COL9A2: variants seen among roughly 807,000 people sequenced by gnomAD.
COL9A2 encodes the protein collagen type IX alpha 2 chain.
Under a neutral mutation model 111.6 loss-of-function variants are expected in COL9A2, and 66 were observed. That is an observed-to-expected ratio of 0.59 (90% CI 0.48 to 0.73). The LOEUF is 0.73. COL9A2 is among the 30% of genes least tolerant of loss of function. COL9A2 has a pLI of 0.00. For missense variants in COL9A2, 881 were observed against 954.1 expected (o/e 0.92, Z 1.01); for synonymous variants, 353 against 364.1 (o/e 0.97, Z 0.35).
rs761700412 is a variant in COL9A2, at chr1:40,303,278, G to C, written c.1549-93C>G. ...CTGAGCGTGAGGCCGCCATGGAGGAGACTCTGGTGTTGAGTCATTAATTCC... is the reference window on the plus strand; with the variant it reads ...CTGAGCGTGAGGCCGCCATGGAGGACACTCTGGTGTTGAGTCATTAATTCC... On this transcript the variant is annotated intron_variant, in intron 28 of 31. Coordinates refer to ENST00000372748, the MANE Select transcript of COL9A2 (RefSeq NM_001852.4). This position sits in a 1 kb window ranked among gnomAD's most constrained non-coding sequence, Gnocchi z 4.6. The C allele has an allele frequency of 7.8e-5, 103 of 1,326,262 alleles. No homozygotes were observed. Among genetic ancestry groups the C allele is most frequent in the Non-Finnish European group, 1.1e-4 (101 of 942,066 alleles). The allele number at this position is 1,326,262 out of a possible 1,614,324, so 82.2% of individuals were successfully genotyped here.
chr1:40,302,718 C>T lies in COL9A2; in HGVS notation c.1695G>A (p.Gly565=). The T allele has an allele frequency of 1.3e-6, 2 of 1,574,164 alleles. No homozygotes were observed. Among genetic ancestry groups the T allele is most frequent in the South Asian group, 2.3e-5 (2 of 85,906 alleles). The change falls in exon 30 of 32, where the codon GGG becomes GGA. Residue 565 remains glycine (G), a synonymous_variant. Transcript: ENST00000372748. The surrounding 1 kb of genome is among the most constrained non-coding windows in gnomAD (Gnocchi z 4.5). ...CATGGGGGCCCTGCTTGCCTGGGTA[C>T]CCAGGGGGCCCAGGAGGTCCTGGAG... ...MGPPGPPGPP[G]YPGKQGPHGH... is the part of the protein sequence containing the mutation.
intron 24 of COL9A2, 39 bp from the exon 25 acceptor site, chr1:40,304,138 C>A (rs760403004): frequency 1.3e-6 from 2 of 1,530,094 alleles, no homozygotes; most frequent in African/African-American, 2.7e-5. Flanking sequence ...GCGAGCTCCC[C>A]CCTCCACGGG....
chr1:40,308,888 A>G (rs1318671225), intron 16 of COL9A2, among the ~76,000 whole-genome samples: 2 of 152,208 alleles, frequency 1.3e-5, no homozygotes, highest in Non-Finnish European at 2.9e-5. Flanking sequence ...AACCTGTGAT[A>G]GGTACATGGG....
At position 40,303,162 on chromosome 1, in the gene COL9A2, G is replaced by A. The variant is rs1435051599; in HGVS notation, c.1572C>T (p.His524=). ...GCATCTTCAGCGCCACATCCACGAT[G>A]TGCTGGTCAGTGGCATCCCGGCCCT... is the stretch of plus-strand genomic sequence containing the variant. The part of the protein sequence containing the change: ...GVEGRDATDQ[H]IVDVALKMLQ... Residue 524 remains histidine (H), a synonymous_variant, in exon 29 of 32, where the codon CAC becomes CAT. Coordinates refer to ENST00000372748, the MANE Select transcript of COL9A2 (RefSeq NM_001852.4). The surrounding 1 kb of genome is among the most constrained non-coding windows in gnomAD (Gnocchi z 4.6). 2 of 1,612,596 alleles carry A rather than the reference G, an allele frequency of 1.2e-6. No individual in the cohort carries two copies. Among genetic ancestry groups the A allele is most frequent in the Non-Finnish European group, 1.7e-6 (2 of 1,179,450 alleles).
In COL9A2 at chr1:40,311,643, G is replaced by C; in HGVS notation, c.471+19C>G. 1 of 1,614,002 alleles carries C rather than the reference G, an allele frequency of 6.2e-7. No individual in the cohort carries two copies. Among genetic ancestry groups the C allele is most frequent in the Non-Finnish European group, 8.5e-7 (1 of 1,179,886 alleles). On this transcript the variant is annotated intron_variant, in intron 9 of 31. Transcript: ENST00000372748. This position sits in a 1 kb window ranked among gnomAD's most constrained non-coding sequence, Gnocchi z 5.1. ...CCTTCCCCTGCACTTTGCCATGTCGGGGGTCTGGGGACACTTACAGGTTTC... is the reference window on the plus strand; with the variant it reads ...CCTTCCCCTGCACTTTGCCATGTCGCGGGTCTGGGGACACTTACAGGTTTC...
rs928795679 is a variant in COL9A2, at chr1:40,310,455, G to A, written c.685-138C>T. 5 of 931,486 alleles carry A rather than the reference G, an allele frequency of 5.4e-6. No homozygotes were observed. Among genetic ancestry groups the A allele is most frequent in the Admixed American group, 2.0e-5 (1 of 51,238 alleles). 57.7% of individuals were successfully genotyped at this position (931,486 alleles called of 1,614,324 possible). ...TCTGTCTCATGGATGGGACATGGAG[G>A]TTCAGAGATGAGGAGGGACTCACTG... On this transcript the variant is annotated intron_variant, in intron 13 of 31. Coordinates refer to ENST00000372748, the MANE Select transcript of COL9A2 (RefSeq NM_001852.4). This position sits in a 1 kb window ranked among gnomAD's most constrained non-coding sequence, Gnocchi z 4.9.
In COL9A2 at chr1:40,310,842, C is replaced by A. The variant is rs1644111945; in HGVS notation, c.631-75G>T. The stretch of plus-strand genomic sequence containing the variant: ...ATATACAGACAAGCAAAGATACCAC[C>A]TCTTTTCCCCAGCACAAGCAGACGG... On this transcript the variant is annotated intron_variant, in intron 12 of 31. Coordinates refer to ENST00000372748, the MANE Select transcript of COL9A2 (RefSeq NM_001852.4). This position sits in a 1 kb window ranked among gnomAD's most constrained non-coding sequence, Gnocchi z 4.9. The A allele has an allele frequency of 3.1e-6, 4 of 1,277,214 alleles. No homozygotes were observed. Among genetic ancestry groups the A allele is most frequent in the Non-Finnish European group, 4.4e-6 (4 of 899,304 alleles). 79.1% of individuals were successfully genotyped at this position (1,277,214 alleles called of 1,614,324 possible). A position where few individuals can be genotyped will look rare whatever the true frequency, so the allele number is the denominator to read the frequency against.
At position 40,310,955 on chromosome 1, in the gene COL9A2, G is replaced by T; in HGVS notation, c.630+138C>A. On this transcript the variant is annotated intron_variant, in intron 12 of 31. Transcript: ENST00000372748. The surrounding 1 kb of genome is among the most constrained non-coding windows in gnomAD (Gnocchi z 4.9). The stretch of plus-strand genomic sequence containing the variant: ...ATGACCAGAGACATGCCGACCTGGA[G>T]CACAGGCCTCCAGCCCCCGGCTCAA... 2 of 1,234,542 alleles carry T rather than the reference G, an allele frequency of 1.6e-6. No individual in the cohort carries two copies. The highest frequency in any genetic ancestry group is 2.4e-6 in the Non-Finnish European group (2 of 846,076). The allele number at this position is 1,234,542 out of a possible 1,614,324, so 76.5% of individuals were successfully genotyped here. A position where few individuals can be genotyped will look rare whatever the true frequency, so the allele number is the denominator to read the frequency against.
rs1177308078 is a variant in COL9A2, at chr1:40,314,926, A to T, written c.151-539T>A. On this transcript the variant is annotated intron_variant, in intron 2 of 31. Transcript: ENST00000372748. This position sits in a 1 kb window ranked among gnomAD's most constrained non-coding sequence, Gnocchi z 4.1. ...TGCCAAAGGACCCTTGGTGGTGGGC[A>T]GGCAGGGCCGGTAGAGTGCGATTCA... 6.6e-6 allele frequency among the ~76,000 whole-genome samples: 1 copy of T among 152,094 alleles called. No individual in the cohort carries two copies. Among genetic ancestry groups the T allele is most frequent in the Non-Finnish European group, 1.5e-5 (1 of 68,014 alleles).
chr1:40,311,739 C>T lies in COL9A2; in HGVS notation c.418-24G>A, dbSNP rs1236614842. ...CCCTGGAAGCAAAAGAAGCCCAAAT[C>T]ATACCCCTGACCAGCCCTTACCAGC... On this transcript the variant is annotated intron_variant, in intron 8 of 31. Coordinates refer to ENST00000372748, the MANE Select transcript of COL9A2 (RefSeq NM_001852.4). The surrounding 1 kb of genome is among the most constrained non-coding windows in gnomAD (Gnocchi z 5.1). 6.2e-7 allele frequency: 1 copy of T among 1,613,226 alleles called. No homozygotes were observed. The highest frequency in any genetic ancestry group is 8.5e-7 in the Non-Finnish European group (1 of 1,179,772).
At position 40,302,811 on chromosome 1, in the gene COL9A2, TGGAGGGAGGGAG is replaced by T. The variant is rs3831927; in HGVS notation, c.1604-14_1604-3del. 46 of 553,876 alleles carry T rather than the reference TGGAGGGAGGGAG, an allele frequency of 8.3e-5. No individual in the cohort carries two copies. The highest frequency in any genetic ancestry group is 1.4e-4 in the Non-Finnish European group (42 of 306,220). The allele number at this position is 553,876 out of a possible 1,614,324, so 34.3% of individuals were successfully genotyped here. On this transcript the variant is annotated splice_region_variant and splice_polypyrimidine_tract_variant and intron_variant, in intron 29 of 31. Transcript: ENST00000372748. This position sits in a 1 kb window ranked among gnomAD's most constrained non-coding sequence, Gnocchi z 4.5. ...TCACGGCGACCTCTGCCAGTTGCTC[TGGAGGGAGGGAG>T]GGAGGGAGGGAGAGGGAAGTCTATG...
At chr1:40,304,420 A>G in intron 23 of COL9A2, 29 bp from the exon 24 acceptor site, 1 of 1,612,412 alleles carries the variant, frequency 6.2e-7, no homozygotes, top group Non-Finnish European at 8.5e-7. Flanking sequence ...AAAGGAATAA[A>G]TGGAATGAGG....
intron 2 of COL9A2, 28 bp downstream of exon 2, chr1:40,315,562 C>A (rs1381479054): frequency 1.9e-6 from 3 of 1,548,910 alleles, no homozygotes; most frequent in African/African-American, 2.7e-5. Context: ...CGCCTCCCTC[C>A]CGCCCTGGTC....
rs1401413125 is a variant in COL9A2 at position 40,311,584 on chromosome 1, C to G, written c.472-37G>C. On this transcript the variant is annotated intron_variant, in intron 9 of 31. Coordinates refer to ENST00000372748, the MANE Select transcript of COL9A2 (RefSeq NM_001852.4). The surrounding 1 kb of genome is among the most constrained non-coding windows in gnomAD (Gnocchi z 5.1). ...CATGAAGATGGAGCTTGGCCTGACC[C>G]TTTCCCGCCGCAGGCTTGCTCAAAG... The G allele has an allele frequency of 6.2e-7, 1 of 1,613,912 alleles. No homozygotes were observed. Among genetic ancestry groups the G allele is most frequent in the Non-Finnish European group, 8.5e-7 (1 of 1,179,980 alleles).
Position 40,312,859 on chromosome 1 carries a change from G to A in COL9A2, c.250-75C>T, listed in dbSNP as rs1326390625. On this transcript the variant is annotated intron_variant, in intron 4 of 31. Transcript: ENST00000372748. This position sits in a 1 kb window ranked among gnomAD's most constrained non-coding sequence, Gnocchi z 6.0. ...ACCCACAGAGCAGGGCAGGTTCAAGGGTCCCTCCTGGGTGGGCCGAGGCTC... is the reference window on the plus strand; with the variant it reads ...ACCCACAGAGCAGGGCAGGTTCAAGAGTCCCTCCTGGGTGGGCCGAGGCTC... 7.2e-6 allele frequency: 10 copies of A among 1,384,996 alleles called. No homozygotes were observed. In the East Asian group the frequency reaches 1.0e-4, roughly 14 times the overall value. The allele number at this position is 1,384,996 out of a possible 1,614,324, so 85.8% of individuals were successfully genotyped here.
At chr1:40,315,402 T>A (rs188644827) in intron 2 of COL9A2, 188 bp downstream of exon 2, 71 of 1,413,140 alleles carry the variant, frequency 5.0e-5, no homozygotes, top group East Asian at 8.0e-5. Context: ...GGGCTCCGCA[T>A]GTCAGGGCTG....
In COL9A2 at chr1:40,312,638, G is replaced by A. The variant is rs756948121; in HGVS notation, c.304-29C>T. 6 of 1,612,704 alleles carry A rather than the reference G, an allele frequency of 3.7e-6. No individual in the cohort carries two copies. In the South Asian group the frequency reaches 5.5e-5, roughly 15 times the overall value. ...CAGAAGCAACGAGAAAGGCTCAGAG[G>A]CTGGGGTTTCCCCGGCTCCTACTTC... is the stretch of plus-strand genomic sequence containing the variant. On this transcript the variant is annotated intron_variant, in intron 5 of 31. Transcript: ENST00000372748. This position sits in a 1 kb window ranked among gnomAD's most constrained non-coding sequence, Gnocchi z 6.0.
intron 21 of COL9A2, chr1:40,305,061 CTTTTTTTTTTTTT>C (rs869251364): frequency 4.9e-5 from 6 of 123,656 alleles, no homozygotes; most frequent in African/African-American, 1.6e-4. Context: ...TTCTTTCTTT[CTTTTTTTTTTTTT>C]TTTTTTTTTT....
chr1:40,316,046 T>C lies in COL9A2; in HGVS notation c.76-382A>G. 5.0e-6 allele frequency: 1 copy of C among 199,080 alleles called. No homozygotes were observed. Among genetic ancestry groups the C allele is most frequent in the Middle Eastern group, 1.8e-3 (1 of 552 alleles). The allele number at this position is 199,080 out of a possible 1,614,324, so 12.3% of individuals were successfully genotyped here. A position where few individuals can be genotyped will look rare whatever the true frequency, so the allele number is the denominator to read the frequency against. ...GGGAATAGATGGAGACGTGGACAGC[T>C]CAAATAAATCACAGATGGAATGTAA... On this transcript the variant is annotated intron_variant, in intron 1 of 31. Transcript: ENST00000372748. This position sits in a 1 kb window ranked among gnomAD's most constrained non-coding sequence, Gnocchi z 5.5.
Sources: gnomAD v4.1 joint callset for allele counts (sites outside exome capture counted in the v4.1 genomes callset) on GRCh38, gnomAD v4.1.1 for gene constraint, Gnocchi (gnomAD v3.1) non-coding constraint, MANE v1.5 for transcripts, NCBI Gene and HGNC (gene_info 2026-07-23, HGNC 2026-07-21) for gene names.